MCTP2: variants seen among roughly 807,000 people sequenced by gnomAD.
The protein encoded by MCTP2 is multiple C2 and transmembrane domain-containing protein 2.
In MCTP2, 132 loss-of-function variants were observed where a neutral mutation model predicts 111.6. The observed-to-expected ratio is 1.18, with a 90% CI of 1.03 to 1.37. The LOEUF is 1.37. Among genes scored for constraint, MCTP2 ranks in the 40% most tolerant of loss-of-function variants. The probability of loss-of-function intolerance (pLI) is 0.00; values close to 1 mark genes in which losing one functional copy is unlikely to be tolerated. For synonymous variants in MCTP2, 395 were observed against 387.7 expected (o/e 1.02, Z -0.22); for missense variants, 1,183 against 1,067.9 (o/e 1.11, Z -1.50).
At chr15:94,435,629 CTTTTTT>C in intron 17 of MCTP2, among the ~76,000 whole-genome samples, 1 of 117,926 alleles carries the variant, frequency 8.5e-6, no homozygotes, top group Admixed American at 8.6e-5. Context: ...TTTTTTTATT[CTTTTTT>C]TTTTTTTTTT....
At chr15:94,356,526 A>C (rs960654796) in intron 9 of MCTP2, among the ~76,000 whole-genome samples, 5 of 152,148 alleles carry the variant, frequency 3.3e-5, no homozygotes, top group Admixed American at 2.0e-4. Flanking sequence ...AGCTAGAGAA[A>C]CCTTATTAAA....
intron 12 of MCTP2, among the ~76,000 whole-genome samples, chr15:94,377,032 T>C (rs571361786): frequency 6.6e-6 from 1 of 152,340 alleles, no homozygotes; most frequent in African/African-American, 2.4e-5. Flanking sequence ...ACTATGATAC[T>C]GACTTTTGAG....
Position 94,479,729 on chromosome 15 carries a change from G to A in MCTP2, c.*695G>A, listed in dbSNP as rs2074630904. 1 of 151,364 alleles carries A rather than the reference G, an allele frequency of 6.6e-6. No homozygotes were observed. The highest frequency in any genetic ancestry group is 1.5e-5 in the Non-Finnish European group (1 of 67,840). The allele number at this position is 151,364 out of a possible 1,614,324, so 9.4% of individuals were successfully genotyped here. ...AGAGATCACTCACTTGAAAAATGAG[G>A]GTCCCATGAAAGTATTTGGTTGCCT... On this transcript the variant is annotated 3_prime_UTR_variant, in exon 23 of 23. Coordinates refer to ENST00000357742, the MANE Select transcript of MCTP2 (RefSeq NM_001385001.1).
intron 14 of MCTP2, among the ~76,000 whole-genome samples, chr15:94,398,197 G>T (rs2081376077): frequency 6.6e-6 from 1 of 152,164 alleles, no homozygotes; most frequent in Non-Finnish European, 1.5e-5. Context: ...TGCATTTTGA[G>T]TGTTTTTGGA....
rs2074763510 is a variant in MCTP2, at chr15:94,482,225, GA to G, written c.*3196del. 6.6e-6 allele frequency: 1 copy of G among 152,150 alleles called. No homozygotes were observed. The highest frequency in any genetic ancestry group is 2.4e-5 in the African/African-American group (1 of 41,414). 9.4% of individuals were successfully genotyped at this position (152,150 alleles called of 1,614,324 possible). A position where few individuals can be genotyped will look rare whatever the true frequency, so the allele number is the denominator to read the frequency against. ...GCATGCCATGCTCAGATTTAAGTTT[GA>G]AAAATATTCTAGCTGCAATGGATAG... is the stretch of plus-strand genomic sequence containing the variant. On this transcript the variant is annotated 3_prime_UTR_variant, in exon 23 of 23. Coordinates refer to ENST00000357742, the MANE Select transcript of MCTP2 (RefSeq NM_001385001.1).
intron 12 of MCTP2, among the ~76,000 whole-genome samples, chr15:94,375,195 A>T (rs902166541): frequency 6.6e-6 from 1 of 152,140 alleles, no homozygotes. Context: ...ACACTTTTAA[A>T]TAACCAGATC....
At chr15:94,257,613 G>A (rs2072901968) in intron 1 of MCTP2, among the ~76,000 whole-genome samples, 1 of 49,854 alleles carries the variant, frequency 2.0e-5, no homozygotes, top group Non-Finnish European at 3.7e-5. Context: ...TTGAGACGGA[G>A]TCTTGCTCTG....
chr15:94,245,404 ATATATTTATATACATG>A (rs2071822579), intron 1 of MCTP2, among the ~76,000 whole-genome samples: 1 of 52,928 alleles, frequency 1.9e-5, no homozygotes, highest in African/African-American at 6.4e-5. Context: ...ACATGTGTGT[ATATATTTATATACATG>A]TGTGTATATA....
intron 4 of MCTP2, among the ~76,000 whole-genome samples, chr15:94,338,934 G>A (rs2152401217): frequency 6.6e-6 from 1 of 152,250 alleles, no homozygotes; most frequent in South Asian, 2.1e-4. Context: ...ACTTTTCACT[G>A]ACTTGCTGCA....
chr15:94,400,623 T>C (rs1555466936), intron 16 of MCTP2, among the ~76,000 whole-genome samples: 2 of 150,040 alleles, frequency 1.3e-5, no homozygotes, highest in South Asian at 2.1e-4. Flanking sequence ...TTTTTTTCCG[T>C]GACCTTTACA....
At chr15:94,472,584 T>C (rs1171477220) in intron 21 of MCTP2, among the ~76,000 whole-genome samples, 1 of 152,214 alleles carries the variant, frequency 6.6e-6, no homozygotes, top group East Asian at 1.9e-4. Flanking sequence ...GATAAAGTTA[T>C]TAAATGGTAT....
chr15:94,351,041 A>C (rs1275972444), intron 8 of MCTP2, among the ~76,000 whole-genome samples: 1 of 152,160 alleles, frequency 6.6e-6, no homozygotes, highest in African/African-American at 2.4e-5. Flanking sequence ...TTTATCTTAT[A>C]ATTTAAAAAT....
intron 17 of MCTP2, among the ~76,000 whole-genome samples, chr15:94,427,718 C>G (rs1055650384): frequency 3.3e-5 from 5 of 152,170 alleles, no homozygotes; most frequent in African/African-American, 4.8e-5. Flanking sequence ...GAAACCAACC[C>G]TGAAAGACAT....
intron 8 of MCTP2, among the ~76,000 whole-genome samples, chr15:94,352,592 C>T (rs74946155): frequency 0.016 from 2,436 of 152,280 alleles, 69 homozygotes; most frequent in African/African-American, 0.055. Context: ...TATCTCTTGG[C>T]GTCTGTTTCA....
In MCTP2 at chr15:94,399,024, G is replaced by A; in HGVS notation, c.1852G>A (p.Gly618Arg). The A allele has an allele frequency of 6.4e-7, 1 of 1,561,668 alleles. No individual in the cohort carries two copies. ...KNKDLEQAFKGVIYLEMDLIY... is the reference protein window; with the variant it reads ...KNKDLEQAFKRVIYLEMDLIY... ...TAAAGATTTAGAACAAGCTTTTAAA[G>A]GAGTTATTTACTTAGAGATGGACCT... The change falls in exon 15 of 23, where the codon GGA becomes AGA. Residue 618 changes from glycine (G) to arginine (R), a missense_variant. Gly to Arg is a moderately radical substitution (Grantham distance 125). Transcript: ENST00000357742.
At chr15:94,340,347 T>G (rs2077568664) in intron 6 of MCTP2, 72 bp downstream of exon 6, 1 of 1,100,630 alleles carries the variant, frequency 9.1e-7, no homozygotes, top group Admixed American at 1.8e-5. Context: ...TAAATGGTGC[T>G]TGTTGAGGTC....
chr15:94,443,981 C>CAAAAAAAAAAAAAAAAAA (rs58768404), intron 19 of MCTP2, among the ~76,000 whole-genome samples: 1 of 69,412 alleles, frequency 1.4e-5, no homozygotes, highest in Non-Finnish European at 2.4e-5. Context: ...GATATTTTAC[C>CAAAAAAAAAAAAAAAAAA]AAAAAAAAAA....
chr15:94,243,243 G>A (rs1567250413), intron 1 of MCTP2, among the ~76,000 whole-genome samples: 2 of 148,536 alleles, frequency 1.3e-5, no homozygotes, highest in African/African-American at 2.5e-5. Context: ...ATACACATGC[G>A]TATATGCGTA....
intron 4 of MCTP2, among the ~76,000 whole-genome samples, chr15:94,330,347 A>C (rs1427144008): frequency 6.6e-6 from 1 of 152,080 alleles, no homozygotes; most frequent in East Asian, 1.9e-4. Context: ...ATTTTTAGTA[A>C]TTTTTAATAA....
Sources: gnomAD v4.1 joint callset for allele counts (sites outside exome capture counted in the v4.1 genomes callset) on GRCh38, gnomAD v4.1.1 for gene constraint, MANE v1.5 for transcripts, NCBI Gene and HGNC (gene_info 2026-07-23, HGNC 2026-07-21) for gene names.